Variants in FRMPD2 observed in about 807,000 individuals in gnomAD.
FRMPD2 encodes the protein FERM and PDZ domain containing 2, also known as FERM and PDZ domain-containing protein 2.
FRMPD2 carries 96 observed loss-of-function variants against 140.1 expected under a neutral mutation model. The ratio of observed to expected loss-of-function variants is 0.69; its 90% confidence interval spans 0.58 to 0.81. FRMPD2 has a LOEUF of 0.81. Ranked by LOEUF, FRMPD2 falls within the 40% of genes least tolerant of loss-of-function variation. FRMPD2 has a pLI of 0.00. For synonymous variants in FRMPD2, 449 were observed against 547.6 expected (o/e 0.82, Z 2.52); for missense variants, 1,240 against 1,447.4 (o/e 0.86, Z 2.32).
chr10:48,228,081 T>G (rs1839767396), intron 10 of FRMPD2, among the ~76,000 whole-genome samples: 1 of 152,096 alleles, frequency 6.6e-6, no homozygotes, highest in South Asian at 2.1e-4. Flanking sequence ...AAAAGAGAGT[T>G]AAAAAAAGCC....
intron 10 of FRMPD2, among the ~76,000 whole-genome samples, chr10:48,229,549 A>G (rs1170670649): frequency 6.6e-6 from 1 of 152,156 alleles, no homozygotes; most frequent in Non-Finnish European, 1.5e-5. Flanking sequence ...GTTAAAATGC[A>G]TGGGAAACAT....
chr10:48,241,103 C>A (rs1022100503), intron 5 of FRMPD2, among the ~76,000 whole-genome samples: 2 of 152,124 alleles, frequency 1.3e-5, no homozygotes, highest in African/African-American at 4.8e-5. Context: ...AAATATAGTC[C>A]ATTTCCCCCA....
intron 12 of FRMPD2, among the ~76,000 whole-genome samples, chr10:48,218,705 G>A (rs1839510563): frequency 1.3e-5 from 2 of 152,204 alleles, no homozygotes; most frequent in South Asian, 2.1e-4. Flanking sequence ...GCTGGAACCT[G>A]GAGAGTGGAA....
At chr10:48,212,195 C>A (rs1181310577) in intron 12 of FRMPD2, 86 bp from the exon 13 acceptor site, 2 of 1,368,460 alleles carry the variant, frequency 1.5e-6, no homozygotes, top group Non-Finnish European at 1.0e-6. Context: ...TCTGTAGTCA[C>A]AATTCCAGGA....
rs1838083277 is a variant in FRMPD2, at chr10:48,165,692, CA to C, written c.3538-2022del. Reference sequence around the variant, plus strand: ...GAGCCCCACCCTTGCTTGGTTTTTCCACCAATTCCCAGGCCCCATCTTAATC... The same window carrying C: ...GAGCCCCACCCTTGCTTGGTTTTTCCCCAATTCCCAGGCCCCATCTTAATC... On this transcript the variant is annotated intron_variant, in intron 27 of 28. Coordinates refer to ENST00000374201, the MANE Select transcript of FRMPD2 (RefSeq NM_001018071.4). Among the ~76,000 whole-genome samples the C allele has an allele frequency of 1.7e-5, 2 of 118,238 alleles. 1 individual carries two copies. The allele number at this position is 118,238 out of a possible 152,430, so 77.6% of individuals were successfully genotyped here. A position where few individuals can be genotyped will look rare whatever the true frequency, so the allele number is the denominator to read the frequency against.
chr10:48,190,569 C>T (rs1171766791), intron 16 of FRMPD2, among the ~76,000 whole-genome samples: 1 of 152,200 alleles, frequency 6.6e-6, no homozygotes, highest in Non-Finnish European at 1.5e-5. Context: ...AACATACCCG[C>T]ACCCAAACCA....
intron 9 of FRMPD2, among the ~76,000 whole-genome samples, chr10:48,234,232 C>T (rs991230270): frequency 2.0e-5 from 3 of 152,122 alleles, no homozygotes; most frequent in African/African-American, 7.2e-5. Flanking sequence ...TTGTGAATAT[C>T]CCTATGCCCA....
At chr10:48,170,211 T>C (rs540956540) in intron 26 of FRMPD2, among the ~76,000 whole-genome samples, 1 of 147,210 alleles carries the variant, frequency 6.8e-6, no homozygotes, top group Non-Finnish European at 1.5e-5. Context: ...GGCTTCCTGT[T>C]GGGCTCAGCT....
chr10:48,234,961 T>G (rs1264012328), intron 9 of FRMPD2, among the ~76,000 whole-genome samples: 1 of 152,152 alleles, frequency 6.6e-6, no homozygotes, highest in Non-Finnish European at 1.5e-5. Flanking sequence ...TCCAGTCACC[T>G]AAGCCATGTG....
At chr10:48,237,729 C>T (rs751034597) in intron 8 of FRMPD2, among the ~76,000 whole-genome samples, 1 of 152,164 alleles carries the variant, frequency 6.6e-6, no homozygotes, top group Non-Finnish European at 1.5e-5. Context: ...GCACCGGTGG[C>T]TTCCTCTAGG....
At chr10:48,234,353 G>A (rs893509651) in intron 9 of FRMPD2, among the ~76,000 whole-genome samples, 4 of 152,232 alleles carry the variant, frequency 2.6e-5, no homozygotes, top group Non-Finnish European at 5.9e-5. Context: ...AGTTCCTGTG[G>A]TGGCTGCTTT....
intron 1 of FRMPD2, among the ~76,000 whole-genome samples, chr10:48,269,772 G>C (rs1840736261): frequency 6.6e-6 from 1 of 152,190 alleles, no homozygotes; most frequent in Non-Finnish European, 1.5e-5. Context: ...TGAAGAGGGG[G>C]TCCTTAACTC....
At chr10:48,203,387 A>T (rs1839132915) in intron 14 of FRMPD2, among the ~76,000 whole-genome samples, 1 of 152,058 alleles carries the variant, frequency 6.6e-6, no homozygotes, top group African/African-American at 2.4e-5. Context: ...GCAAGCTGCT[A>T]CTCTGTGTAT....
intron 14 of FRMPD2, among the ~76,000 whole-genome samples, chr10:48,204,204 T>C (rs1839151232): frequency 1.3e-5 from 2 of 152,174 alleles, no homozygotes; most frequent in African/African-American, 4.8e-5. Flanking sequence ...AAAACTATAA[T>C]TTAGTTCTCA....
chr10:48,262,485 A>G (rs1221155208), intron 1 of FRMPD2, among the ~76,000 whole-genome samples: 1 of 152,204 alleles, frequency 6.6e-6, no homozygotes, highest in African/African-American at 2.4e-5. Flanking sequence ...GAGCATCAGA[A>G]TACATGACAT....
chr10:48,259,815 C>A (rs1435791593), intron 1 of FRMPD2, among the ~76,000 whole-genome samples: 2 of 152,052 alleles, frequency 1.3e-5, no homozygotes, highest in Non-Finnish European at 2.9e-5. Flanking sequence ...TGCATAAGAA[C>A]AGCAGATGAC....
chr10:48,198,439 C>T (rs891165474), intron 15 of FRMPD2, among the ~76,000 whole-genome samples: 5 of 152,098 alleles, frequency 3.3e-5, no homozygotes, highest in African/African-American at 1.2e-4. Context: ...GTTCTTTTTG[C>T]CACCTTTGAA....
intron 21 of FRMPD2, among the ~76,000 whole-genome samples, chr10:48,178,508 G>A (rs1160807305): frequency 3.3e-5 from 5 of 152,132 alleles, no homozygotes; most frequent in South Asian, 2.1e-4. Flanking sequence ...CTAACGACAC[G>A]CAGGAAAATA....
In FRMPD2 at chr10:48,242,203, G is replaced by A. The variant is rs1588850231; in HGVS notation, c.525C>T (p.His175=). The change falls in exon 5 of 29, where the codon CAC becomes CAT. Residue 175 remains histidine (H), a synonymous_variant. Transcript: ENST00000374201. ...GAACCAAGCCAACCAGCCTTCTGAT[G>A]TGGAGACCAGCAGGGGCTGGGTAGA... The part of the protein sequence containing the change: ...VSVYPAPAGL[H]IRRLVGLVLG... 2 of 1,614,158 alleles carry A rather than the reference G, an allele frequency of 1.2e-6. No homozygotes were observed. Among genetic ancestry groups the A allele is most frequent in the East Asian group, 2.2e-5 (1 of 44,892 alleles).
Sources: allele counts gnomAD v4.1 joint callset (sites outside exome capture counted in the v4.1 genomes callset), GRCh38; gene constraint gnomAD v4.1.1; transcripts MANE v1.5; gene names NCBI Gene and HGNC (gene_info 2026-07-23, HGNC 2026-07-21).